Variants in ELAVL2 observed in about 807,000 individuals in gnomAD.
ELAVL2 encodes ELAV-like protein 2.
ELAVL2 carries 4 observed loss-of-function variants against 34.6 expected under a neutral mutation model. That is an observed-to-expected ratio of 0.12 (90% CI 0.06 to 0.26). The LOEUF is 0.26. Among genes scored for constraint, ELAVL2 ranks in the 10% least tolerant of loss-of-function variants. The probability of loss-of-function intolerance (pLI) is 1.00; values close to 1 mark genes in which losing one functional copy is unlikely to be tolerated. For synonymous variants in ELAVL2, 193 were observed against 154.8 expected (o/e 1.25, Z -1.83); for missense variants, 432 against 442.8 (o/e 0.98, Z 0.22).
At chr9:23,764,051 T>C (rs1189295053) in intron 1 of ELAVL2, among the ~76,000 whole-genome samples, 1 of 152,188 alleles carries the variant, frequency 6.6e-6, no homozygotes, top group African/African-American at 2.4e-5. Flanking sequence ...GATTTCCTAA[T>C]TAAACATAAC....
At position 23,747,252 on chromosome 9, in the gene ELAVL2, T is replaced by C. The variant is rs143219256; in HGVS notation, c.229+14754A>G. ...ATGGATAATGTGGACAAAGGGATGA[T>C]TCACATCCTGGGCAGGAAGGTGCAA... On this transcript the variant is annotated intron_variant, in intron 2 of 6. Transcript: ENST00000397312. Among the ~76,000 whole-genome samples the C allele has an allele frequency of 2.6e-5, 4 of 152,218 alleles. No homozygotes were observed. In the East Asian group the frequency reaches 7.7e-4, roughly 29 times the overall value.
At chr9:23,752,733 G>A (rs1185455213) in intron 2 of ELAVL2, among the ~76,000 whole-genome samples, 1 of 152,112 alleles carries the variant, frequency 6.6e-6, no homozygotes, top group Non-Finnish European at 1.5e-5. Context: ...GGAATTACAG[G>A]CATGAGCCAC....
chr9:23,721,267 C>A (rs954907573), intron 3 of ELAVL2, among the ~76,000 whole-genome samples: 1 of 152,202 alleles, frequency 6.6e-6, no homozygotes, highest in East Asian at 1.9e-4. Context: ...GGGTTAGCCT[C>A]TTCAAAAAGG....
At chr9:23,725,803 A>C (rs1308424192) in intron 3 of ELAVL2, among the ~76,000 whole-genome samples, 1 of 152,168 alleles carries the variant, frequency 6.6e-6, no homozygotes, top group Non-Finnish European at 1.5e-5. Flanking sequence ...TTATGCAATA[A>C]ACATGAATTT....
intron 1 of ELAVL2, among the ~76,000 whole-genome samples, chr9:23,810,676 G>A (rs1235436830): frequency 6.6e-6 from 1 of 152,164 alleles, no homozygotes; most frequent in Non-Finnish European, 1.5e-5. Flanking sequence ...AAGAGGTACA[G>A]AACTAGGAGT....
At chr9:23,838,644 A>G in the ELAVL2 span, among the ~76,000 whole-genome samples, 1 of 152,158 alleles carries the variant, frequency 6.6e-6, no homozygotes, top group Non-Finnish European at 1.5e-5. Context: ...CTTACTGACT[A>G]TCTGTATTAT....
At chr9:23,766,654 C>CT (rs1343267638) in intron 1 of ELAVL2, among the ~76,000 whole-genome samples, 3 of 152,130 alleles carry the variant, frequency 2.0e-5, no homozygotes, top group African/African-American at 7.2e-5. Flanking sequence ...TTCTACTGCA[C>CT]TTTTACATTT....
At chr9:23,751,230 A>C (rs1429013540) in intron 2 of ELAVL2, among the ~76,000 whole-genome samples, 1 of 152,218 alleles carries the variant, frequency 6.6e-6, no homozygotes, top group Non-Finnish European at 1.5e-5. Flanking sequence ...TCCAACAAAA[A>C]GTACAATGAT....
the ELAVL2 span, among the ~76,000 whole-genome samples, chr9:23,838,606 T>C: frequency 1.3e-5 from 2 of 152,160 alleles, no homozygotes; most frequent in African/African-American, 2.4e-5. Flanking sequence ...ATATTAATTA[T>C]ATACAATAAC....
chr9:23,742,813 T>G (rs1403910034), intron 2 of ELAVL2, among the ~76,000 whole-genome samples: 5 of 152,190 alleles, frequency 3.3e-5, no homozygotes, highest in Non-Finnish European at 7.3e-5. Context: ...AGTTTATAGT[T>G]AATGAAGAGG....
intron 1 of ELAVL2, among the ~76,000 whole-genome samples, chr9:23,793,245 C>G (rs953974072): frequency 2.0e-5 from 3 of 152,172 alleles, no homozygotes; most frequent in African/African-American, 7.2e-5. Flanking sequence ...CTGCCACATA[C>G]TGATTTTATT....
intron 2 of ELAVL2, among the ~76,000 whole-genome samples, chr9:23,755,880 G>GAAGT (rs1436643028): frequency 6.6e-6 from 1 of 152,094 alleles, no homozygotes; most frequent in African/African-American, 2.4e-5. Context: ...TTGATCTCTT[G>GAAGT]ATACTATGGA....
At chr9:23,796,559 TCTG>T (rs2060952379) in intron 1 of ELAVL2, among the ~76,000 whole-genome samples, 2 of 152,236 alleles carry the variant, frequency 1.3e-5, no homozygotes, top group South Asian at 4.1e-4. Context: ...AGATTAAAAT[TCTG>T]CTGCTTAGTC....
chr9:23,774,157 G>C lies in ELAVL2; in HGVS notation c.-15-11908C>G, dbSNP rs796894593. Among the ~76,000 whole-genome samples, 25 of 132,478 alleles carry C rather than the reference G, an allele frequency of 1.9e-4. 1 individual carries two copies. Among genetic ancestry groups the C allele is most frequent in the African/African-American group, 7.2e-4 (25 of 34,800 alleles). The allele number at this position is 132,478 out of a possible 152,430, so 86.9% of individuals were successfully genotyped here. On this transcript the variant is annotated intron_variant, in intron 1 of 6. Coordinates refer to ENST00000397312, the MANE Select transcript of ELAVL2 (RefSeq NM_004432.5). ...ACCCAGGAGGCAGAGCTTGCAGTGA[G>C]TCTAGATCGCACCACTGCACCCCAA...
intron 3 of ELAVL2, among the ~76,000 whole-genome samples, chr9:23,715,447 T>C (rs1587592946): frequency 6.6e-6 from 1 of 152,152 alleles, no homozygotes; most frequent in Non-Finnish European, 1.5e-5. Flanking sequence ...CACGCCCAGC[T>C]AGGAGGTTGT....
intron 1 of ELAVL2, among the ~76,000 whole-genome samples, chr9:23,776,253 T>C (rs559575692): frequency 6.6e-4 from 101 of 152,202 alleles, no homozygotes; most frequent in Middle Eastern, 3.2e-3. Context: ...TAATTCCATA[T>C]TGTAAGCTCA....
chr9:23,772,313 T>C (rs180876898), intron 1 of ELAVL2, among the ~76,000 whole-genome samples: 1 of 152,172 alleles, frequency 6.6e-6, no homozygotes, highest in East Asian at 1.9e-4. Context: ...TACTCTGTCA[T>C]GTACAAACTC....
At chr9:23,734,136 C>A (rs1038513655) in intron 2 of ELAVL2, among the ~76,000 whole-genome samples, 2 of 152,078 alleles carry the variant, frequency 1.3e-5, no homozygotes, top group African/African-American at 4.8e-5. Flanking sequence ...CTAAACCTAC[C>A]ATCGTTGGTG....
chr9:23,791,025 T>C (rs562667553), intron 1 of ELAVL2, among the ~76,000 whole-genome samples: 1 of 152,200 alleles, frequency 6.6e-6, no homozygotes, highest in Non-Finnish European at 1.5e-5. Flanking sequence ...CTTCTAAATA[T>C]ATGTTCTGTT....
Sources: allele counts gnomAD v4.1 joint callset (sites outside exome capture counted in the v4.1 genomes callset), GRCh38; gene constraint gnomAD v4.1.1; transcripts MANE v1.5; gene names NCBI Gene and HGNC (gene_info 2026-07-23, HGNC 2026-07-21).